Variants in GLIS3 observed in about 807,000 individuals in gnomAD.
GLIS3 encodes GLIS family zinc finger 3.
A neutral mutation model predicts 78.6 loss-of-function variants in GLIS3; 53 were observed. The observed-to-expected ratio is 0.67, with a 90% CI of 0.54 to 0.85. The LOEUF (loss-of-function observed/expected upper bound fraction) is 0.85, where lower values mean the gene tolerates loss of function less well. GLIS3 is among the 40% of genes least tolerant of loss of function. GLIS3 has a pLI of 0.00. For synonymous variants in GLIS3, 684 were observed against 509.9 expected (o/e 1.34, Z -4.60); for missense variants, 1,703 against 1,231.1 (o/e 1.38, Z -5.74).
At chr9:4,163,855 A>G (rs1381634288) in intron 2 of GLIS3, among the ~76,000 whole-genome samples, 1 of 152,160 alleles carries the variant, frequency 6.6e-6, no homozygotes, top group Non-Finnish European at 1.5e-5. Flanking sequence ...TATTACTGTT[A>G]ATAATAATAA....
Position 4,118,451 on chromosome 9 carries a change from G to C in GLIS3, c.1027C>G (p.Pro343Ala), listed in dbSNP as rs367634911. 2.5e-6 allele frequency: 4 copies of C among 1,613,356 alleles called. No individual in the cohort carries two copies. The highest frequency in any genetic ancestry group is 2.2e-5 in the East Asian group (1 of 44,872). Residue 343 changes from proline (P) to alanine (A), a missense_variant, in exon 4 of 11, where the codon CCG becomes GCG. Coordinates refer to ENST00000381971, the MANE Select transcript of GLIS3 (RefSeq NM_001042413.2). This position sits in a 1 kb window ranked among gnomAD's most constrained non-coding sequence, Gnocchi z 4.7. ...GSRASPANLSPQPEVYGHFLG... is the reference protein window; with the variant it reads ...GSRASPANLSAQPEVYGHFLG... ...AAATGCCCGTAGACCTCCGGCTGCG[G>C]GGACAGGTTGGCCGGCGAAGCCCTC...
chr9:4,274,261 C>A (rs1826790059), intron 2 of GLIS3, among the ~76,000 whole-genome samples: 1 of 152,150 alleles, frequency 6.6e-6, no homozygotes, highest in Non-Finnish European at 1.5e-5. Context: ...TTGTGGGGAC[C>A]AGTGCCAAAC....
At chr9:4,213,075 G>C (rs751959391) in intron 2 of GLIS3, among the ~76,000 whole-genome samples, 10 of 152,168 alleles carry the variant, frequency 6.6e-5, no homozygotes, top group Non-Finnish European at 1.5e-4. Flanking sequence ...ATGAGAAGTG[G>C]CTTGCTCCTA....
chr9:4,241,841 C>A (rs879421478), intron 2 of GLIS3, among the ~76,000 whole-genome samples: 3 of 152,080 alleles, frequency 2.0e-5, no homozygotes, highest in Non-Finnish European at 4.4e-5. Context: ...TACCACCATG[C>A]CCAGCTAGTG....
intron 2 of GLIS3, among the ~76,000 whole-genome samples, chr9:4,241,583 C>A (rs979369904): frequency 6.6e-6 from 1 of 151,950 alleles, no homozygotes; most frequent in African/African-American, 2.4e-5. Flanking sequence ...CACATATATC[C>A]CCAAAATATG....
chr9:4,386,242 T>G, the GLIS3 span, among the ~76,000 whole-genome samples: 3 of 152,210 alleles, frequency 2.0e-5, no homozygotes, highest in African/African-American at 7.2e-5. Flanking sequence ...ATATTACAGT[T>G]ATCTCATTAT....
intron 4 of GLIS3, among the ~76,000 whole-genome samples, chr9:4,102,708 A>G (rs984187973): frequency 7.2e-5 from 11 of 152,204 alleles, no homozygotes; most frequent in South Asian, 2.1e-4. Context: ...GAATATAAAT[A>G]TTATAATAAA....
chr9:4,121,668 A>G (rs1352384252), intron 3 of GLIS3, among the ~76,000 whole-genome samples: 1 of 148,524 alleles, frequency 6.7e-6, no homozygotes, highest in Non-Finnish European at 1.5e-5. Context: ...CACACCCCAA[A>G]GTTCTTAGAG....
chr9:4,212,800 G>C (rs1820489645), intron 2 of GLIS3, among the ~76,000 whole-genome samples: 2 of 152,202 alleles, frequency 1.3e-5, no homozygotes, highest in Admixed American at 1.3e-4. Flanking sequence ...GAGTAGAAGA[G>C]AAGTTTCAGA....
chr9:4,327,960 C>T (rs12342539), intron 2 of GLIS3, among the ~76,000 whole-genome samples: 43,491 of 152,028 alleles, frequency 0.29, 7,390 homozygotes, highest in African/African-American at 0.48. Flanking sequence ...AGAAGGCTCT[C>T]GGGAAAAAGG....
chr9:4,229,737 A>C (rs1337591841), intron 2 of GLIS3, among the ~76,000 whole-genome samples: 1 of 152,248 alleles, frequency 6.6e-6, no homozygotes, highest in Non-Finnish European at 1.5e-5. Flanking sequence ...CAACACATGA[A>C]GCTCTTTCAG....
the GLIS3 span, among the ~76,000 whole-genome samples, chr9:4,425,173 T>C: frequency 6.6e-6 from 1 of 152,210 alleles, no homozygotes; most frequent in East Asian, 1.9e-4. Context: ...CAGCCCTTAT[T>C]GCCCAACTCC....
the GLIS3 span, among the ~76,000 whole-genome samples, chr9:4,443,206 C>G: frequency 6.6e-6 from 1 of 152,218 alleles, no homozygotes; most frequent in South Asian, 2.1e-4. Context: ...TAACAAGCTA[C>G]TGTCTGCTTC....
the GLIS3 span, among the ~76,000 whole-genome samples, chr9:4,373,707 C>T: frequency 6.8e-6 from 1 of 147,016 alleles, no homozygotes; most frequent in Admixed American, 6.9e-5. Context: ...TTGCTCTTGT[C>T]GCCCAGGCTG....
chr9:4,301,913 A>C (rs1438590410), upstream of GLIS3, among the ~76,000 whole-genome samples: 3 of 152,158 alleles, frequency 2.0e-5, no homozygotes, highest in Non-Finnish European at 4.4e-5. Context: ...CATTTTATTT[A>C]GGTGTGATTT....
At chr9:4,146,834 A>G (rs747780643) in intron 2 of GLIS3, among the ~76,000 whole-genome samples, 2 of 152,240 alleles carry the variant, frequency 1.3e-5, no homozygotes, top group Non-Finnish European at 2.9e-5. Flanking sequence ...GGATGCTACA[A>G]GAGCTATTCA....
intron 2 of GLIS3, among the ~76,000 whole-genome samples, chr9:4,174,274 T>C (rs1226443529): frequency 6.6e-6 from 1 of 152,214 alleles, no homozygotes; most frequent in East Asian, 1.9e-4. Flanking sequence ...GTTTCATGTA[T>C]TATACCTACT....
chr9:3,965,011 TA>T (rs939717112), intron 4 of GLIS3, among the ~76,000 whole-genome samples: 44 of 151,460 alleles, frequency 2.9e-4, no homozygotes, highest in African/African-American at 9.0e-4. Context: ...ATCTTGGACA[TA>T]AAAAAAATAG....
the GLIS3 span, among the ~76,000 whole-genome samples, chr9:4,380,311 ATC>A: frequency 2.8e-4 from 43 of 152,342 alleles, no homozygotes; most frequent in African/African-American, 1.0e-3. Context: ...TGTAATAAAA[ATC>A]TCTGTCACAC....
Sources: allele counts gnomAD v4.1 joint callset (sites outside exome capture counted in the v4.1 genomes callset), GRCh38; gene constraint gnomAD v4.1.1; non-coding constraint Gnocchi (gnomAD v3.1); transcripts MANE v1.5; gene names NCBI Gene and HGNC (gene_info 2026-07-23, HGNC 2026-07-21).